Variants in PCDH9 observed in about 807,000 individuals in gnomAD.
PCDH9 encodes the protein protocadherin 9.
PCDH9 carries 24 observed loss-of-function variants against 70.6 expected under a neutral mutation model. That is an observed-to-expected ratio of 0.34 (90% confidence interval 0.25 to 0.48). The LOEUF (loss-of-function observed/expected upper bound fraction) is 0.48. Among genes scored for constraint, PCDH9 ranks in the 20% least tolerant of loss-of-function variants. The pLI is 0.99. For missense variants in PCDH9, 1,281 were observed against 1,503.6 expected (o/e 0.85, Z 2.45); for synonymous variants, 562 against 558.5 (o/e 1.01, Z -0.09).
chr13:67,008,254 C>G (rs188988671), intron 2 of PCDH9, among the ~76,000 whole-genome samples: 1 of 152,162 alleles, frequency 6.6e-6, no homozygotes, highest in African/African-American at 2.4e-5. Flanking sequence ...GTAAAAAGCA[C>G]TATAACTAAC....
chr13:66,376,704 T>C (rs1956753499), intron 4 of PCDH9, among the ~76,000 whole-genome samples: 1 of 152,118 alleles, frequency 6.6e-6, no homozygotes, highest in Non-Finnish European at 1.5e-5. Flanking sequence ...CTTCTTTACA[T>C]GTATCTTTAA....
chr13:66,581,494 G>A (rs2076891657), intron 4 of PCDH9, among the ~76,000 whole-genome samples: 1 of 152,142 alleles, frequency 6.6e-6, no homozygotes, highest in Non-Finnish European at 1.5e-5. Context: ...TGTTATCAGA[G>A]ATGCTTTTAA....
intron 3 of PCDH9, among the ~76,000 whole-genome samples, chr13:66,900,463 A>G (rs2082258789): frequency 6.6e-6 from 1 of 151,920 alleles, no homozygotes; most frequent in African/African-American, 2.4e-5. Context: ...CCCTAGCAGT[A>G]CATAAAATTG....
chr13:66,698,086 GATAGAAA>G (rs1431841920), intron 3 of PCDH9, among the ~76,000 whole-genome samples: 2 of 152,182 alleles, frequency 1.3e-5, no homozygotes, highest in African/African-American at 4.8e-5. Context: ...AATTCATAGA[GATAGAAA>G]ATAGAATGGC....
At chr13:66,575,831 C>T (rs1593710601) in intron 4 of PCDH9, among the ~76,000 whole-genome samples, 1 of 151,188 alleles carries the variant, frequency 6.6e-6, no homozygotes, top group East Asian at 1.9e-4. Context: ...TAAATTAATG[C>T]TATGTTATTT....
At chr13:66,445,814 A>G in intron 4 of PCDH9, among the ~76,000 whole-genome samples, 1 of 106,022 alleles carries the variant, frequency 9.4e-6, no homozygotes, top group East Asian at 3.6e-4. Flanking sequence ...TATATTATAT[A>G]TACACATATA....
chr13:67,116,541 A>G (rs560409202), intron 2 of PCDH9, among the ~76,000 whole-genome samples: 2 of 152,288 alleles, frequency 1.3e-5, no homozygotes, highest in African/African-American at 4.8e-5. Context: ...ATAAATTATT[A>G]CTGAATTCAA....
At chr13:67,141,644 T>C (rs1170634377) in intron 2 of PCDH9, among the ~76,000 whole-genome samples, 1 of 151,894 alleles carries the variant, frequency 6.6e-6, no homozygotes, top group Admixed American at 6.6e-5. Context: ...TTTCACTGTG[T>C]TGGCCAGGCT....
chr13:67,100,997 G>A (rs919834378), intron 2 of PCDH9, among the ~76,000 whole-genome samples: 17 of 152,232 alleles, frequency 1.1e-4, no homozygotes, highest in African/African-American at 3.4e-4. Flanking sequence ...AAAGGGGTCC[G>A]CACCTGCCTA....
chr13:66,397,630 G>GTA (rs201714639), intron 4 of PCDH9, among the ~76,000 whole-genome samples: 15 of 150,640 alleles, frequency 1.0e-4, no homozygotes, highest in South Asian at 6.3e-4. Flanking sequence ...TACATATTTT[G>GTA]TATATATATA....
chr13:66,517,018 T>C (rs953034001), intron 4 of PCDH9, among the ~76,000 whole-genome samples: 1 of 152,066 alleles, frequency 6.6e-6, no homozygotes, highest in Admixed American at 6.6e-5. Flanking sequence ...CCTGCTACAA[T>C]GGCAAGATTG....
intron 3 of PCDH9, among the ~76,000 whole-genome samples, chr13:66,775,933 A>T (rs1027355447): frequency 5.3e-5 from 8 of 152,100 alleles, no homozygotes; most frequent in Admixed American, 3.9e-4. Flanking sequence ...CCTATGTTAC[A>T]AGGGTGCCTA....
chr13:67,135,382 A>G lies in PCDH9; in HGVS notation c.3036+90023T>C, dbSNP rs1055460303. Among the ~76,000 whole-genome samples the G allele has an allele frequency of 2.0e-5, 3 of 152,086 alleles. No individual in the cohort carries two copies. The East Asian group carries it at 5.8e-4, about 29-fold the overall frequency. ...GGAAAAGGAATTCTAAACTCTAGCT[A>G]TGTGTTTCCAATTTATATTTTCTAC... On this transcript the variant is annotated intron_variant, in intron 2 of 4. Coordinates refer to ENST00000377865, the MANE Select transcript of PCDH9 (RefSeq NM_203487.3).
intron 2 of PCDH9, among the ~76,000 whole-genome samples, chr13:67,060,407 G>C (rs148788342): frequency 4.3e-4 from 65 of 152,102 alleles, no homozygotes; most frequent in Non-Finnish European, 8.2e-4. Context: ...CTTCAACCAC[G>C]AACACCTGGC....
At chr13:67,149,971 C>G (rs1380638627) in intron 2 of PCDH9, among the ~76,000 whole-genome samples, 3 of 152,232 alleles carry the variant, frequency 2.0e-5, no homozygotes, top group African/African-American at 7.2e-5. Context: ...AAATAAAAGT[C>G]TTTTCAGGTC....
At chr13:66,420,892 A>C (rs1238346034) in intron 4 of PCDH9, among the ~76,000 whole-genome samples, 1 of 152,118 alleles carries the variant, frequency 6.6e-6, no homozygotes, top group Admixed American at 6.5e-5. Flanking sequence ...CCTCTGAGCT[A>C]AAGGAGCATG....
intron 3 of PCDH9, among the ~76,000 whole-genome samples, chr13:66,890,785 G>A (rs1050880294): frequency 1.3e-5 from 2 of 152,038 alleles, no homozygotes; most frequent in African/African-American, 2.4e-5. Flanking sequence ...CTTTTGTTTC[G>A]ATTGAGCTCA....
intron 4 of PCDH9, among the ~76,000 whole-genome samples, chr13:66,449,216 C>G (rs1958157872): frequency 6.6e-6 from 1 of 152,016 alleles, no homozygotes; most frequent in Non-Finnish European, 1.5e-5. Flanking sequence ...GAACATGTAG[C>G]CAGGAGAAGG....
Position 66,730,882 on chromosome 13 carries a change from TTTTTGTTTGTTTC to T in PCDH9, c.3139-99484_3139-99472del, listed in dbSNP as rs1299696301. On this transcript the variant is annotated intron_variant, in intron 3 of 4. Coordinates refer to ENST00000377865, the MANE Select transcript of PCDH9 (RefSeq NM_203487.3). ...TGTTTTTTTGTGTGTGTGTGTTTTT[TTTTTGTTTGTTTC>T]TTTTTTTTTGTGGAGACAGAGGTCT... Among the ~76,000 whole-genome samples the T allele has an allele frequency of 2.5e-4, 4 of 16,296 alleles. 1 individual carries two copies. Among genetic ancestry groups the T allele is most frequent in the Admixed American group, 1.5e-3 (2 of 1,338 alleles). The allele number at this position is 16,296 out of a possible 152,430, so 10.7% of individuals were successfully genotyped here.
Sources: gnomAD v4.1 joint callset for allele counts (sites outside exome capture counted in the v4.1 genomes callset) on GRCh38, gnomAD v4.1.1 for gene constraint, MANE v1.5 for transcripts, NCBI Gene and HGNC (gene_info 2026-07-23, HGNC 2026-07-21) for gene names.